The following MAP3K5 variants were observed in gnomAD, a reference collection of about 807,000 sequenced individuals.
The protein encoded by MAP3K5 is mitogen-activated protein kinase kinase kinase 5.
A neutral mutation model predicts 158.7 loss-of-function variants in MAP3K5; 56 were observed. The ratio of observed to expected loss-of-function variants is 0.35; its 90% CI spans 0.28 to 0.44. The LOEUF is 0.44. Ranked by LOEUF, MAP3K5 falls within the 20% of genes least tolerant of loss-of-function variation. The pLI is 1.00. For missense variants in MAP3K5, 1,294 were observed against 1,674.8 expected, an observed-to-expected ratio of 0.77 and a Z score of 3.97; for synonymous variants, 579 against 601.7, an observed-to-expected ratio of 0.96 and a Z score of 0.55.
At chr6:136,628,131 A>G (rs556597215) in intron 14 of MAP3K5, among the ~76,000 whole-genome samples, 1 of 148,856 alleles carries the variant, frequency 6.7e-6, no homozygotes, top group Non-Finnish European at 1.5e-5. Flanking sequence ...TTTTTTTTTT[A>G]AAGAGTGTTT....
intron 24 of MAP3K5, among the ~76,000 whole-genome samples, chr6:136,583,295 G>C (rs1053353287): frequency 1.3e-5 from 2 of 152,148 alleles, no homozygotes; most frequent in African/African-American, 2.4e-5. Context: ...TCATAAGAAC[G>C]AAGTTCAGCC....
At chr6:136,663,077 C>T (rs1750152742) in intron 8 of MAP3K5, among the ~76,000 whole-genome samples, 1 of 152,186 alleles carries the variant, frequency 6.6e-6, no homozygotes, top group East Asian at 1.9e-4. Context: ...ATGCCTAGCA[C>T]TGTGTGTACT....
chr6:136,775,120 TA>T (rs374651330), intron 1 of MAP3K5, among the ~76,000 whole-genome samples: 6,997 of 151,580 alleles, frequency 0.046, 202 homozygotes, highest in African/African-American at 0.088. Context: ...AAATATGAAT[TA>T]AAAAAAAATT....
chr6:136,635,766 G>A (rs1777602213), intron 14 of MAP3K5, among the ~76,000 whole-genome samples: 2 of 151,210 alleles, frequency 1.3e-5, no homozygotes, highest in South Asian at 4.2e-4. Flanking sequence ...GCCAGGTGTG[G>A]TGGCATGCTC....
At position 136,561,334 on chromosome 6, in the gene MAP3K5, G is replaced by T. The variant is rs1318165219; in HGVS notation, c.3987+199C>A. ...AACACCTGATACCTTTTTCTTCATA[G>T]AATTTACCAGTGTAGAATCACATTT... On this transcript the variant is annotated intron_variant, in intron 28 of 29. Coordinates refer to ENST00000359015, the MANE Select transcript of MAP3K5 (RefSeq NM_005923.4). Among the ~76,000 whole-genome samples, 3 of 152,068 alleles carry T rather than the reference G, an allele frequency of 2.0e-5. No homozygotes were observed. In the East Asian group the frequency reaches 5.8e-4, roughly 29 times the overall value.
rs1781702407 is a variant in MAP3K5 at position 136,720,468 on chromosome 6, G to A, written c.570C>T (p.Asp190=). The part of the protein sequence containing the change: ...NIILYCDTNS[D]SLQSLKEIIC... ...GAGGTACCTTCAGTGACTGCAGAGA[G>A]TCCGAGTTAGTATCACAGTAGAGGA... The change falls in exon 2 of 30, where the codon GAC becomes GAT. Residue 190 remains aspartate (D), a synonymous_variant. Transcript: ENST00000359015. 6.2e-7 allele frequency: 1 copy of A among 1,610,006 alleles called. No individual in the cohort carries two copies. The highest frequency in any genetic ancestry group is 8.5e-7 in the Non-Finnish European group (1 of 1,178,056).
intron 23 of MAP3K5, among the ~76,000 whole-genome samples, chr6:136,587,442 G>C (rs1486229803): frequency 2.0e-5 from 3 of 152,176 alleles, no homozygotes; most frequent in Admixed American, 6.5e-5. Context: ...AGCTTATAAA[G>C]TAGACTCCTC....
intron 25 of MAP3K5, among the ~76,000 whole-genome samples, chr6:136,568,367 T>G (rs959305470): frequency 6.6e-6 from 1 of 152,150 alleles, no homozygotes; most frequent in Admixed American, 6.5e-5. Context: ...ACATCCAAAA[T>G]GTAAGGGGAT....
At chr6:136,623,633 G>T (rs573613524) in intron 14 of MAP3K5, among the ~76,000 whole-genome samples, 1 of 152,200 alleles carries the variant, frequency 6.6e-6, no homozygotes, top group East Asian at 1.9e-4. Flanking sequence ...TGGAAAACCG[G>T]ATCTACAGAA....
At chr6:136,711,741 AAC>A (rs796830619) in intron 2 of MAP3K5, among the ~76,000 whole-genome samples, 32 of 152,256 alleles carry the variant, frequency 2.1e-4, no homozygotes, top group African/African-American at 7.5e-4. Flanking sequence ...AATAATATCT[AAC>A]TTGTCTGTCT....
At chr6:136,593,853 CCTT>C in intron 21 of MAP3K5, 1 of 337,364 alleles carries the variant, frequency 3.0e-6, no homozygotes, top group African/African-American at 2.2e-5. Context: ...CCTGGAATCT[CCTT>C]CTTACTTAAT....
chr6:136,593,647 A>G, intron 21 of MAP3K5: 1 of 398,928 alleles, frequency 2.5e-6, no homozygotes, highest in South Asian at 1.9e-5. Context: ...CCTCACTCCT[A>G]ATGAGAGAAA....
At chr6:136,628,941 TA>T (rs1562560530) in intron 14 of MAP3K5, among the ~76,000 whole-genome samples, 2 of 152,342 alleles carry the variant, frequency 1.3e-5, no homozygotes, top group East Asian at 3.9e-4. Context: ...TGTCCAGGAA[TA>T]GTAGAAGAGA....
chr6:136,791,181 G>C (rs1785058910), intron 1 of MAP3K5, among the ~76,000 whole-genome samples: 1 of 152,148 alleles, frequency 6.6e-6, no homozygotes, highest in Admixed American at 6.5e-5. Context: ...GGAAATTCAA[G>C]CTACTAAAAC....
At chr6:136,599,085 C>T (rs1002578235) in intron 21 of MAP3K5, among the ~76,000 whole-genome samples, 3 of 148,506 alleles carry the variant, frequency 2.0e-5, no homozygotes, top group East Asian at 4.1e-4. Flanking sequence ...GTGGGAGGAT[C>T]GCTTGAGCCT....
At chr6:136,629,941 G>A (rs911556397) in intron 14 of MAP3K5, among the ~76,000 whole-genome samples, 2 of 151,702 alleles carry the variant, frequency 1.3e-5, no homozygotes, top group African/African-American at 4.9e-5. Context: ...CAGTAGAGAT[G>A]GGGTTTCGCC....
intron 1 of MAP3K5, among the ~76,000 whole-genome samples, chr6:136,736,481 A>C (rs1157197903): frequency 5.9e-5 from 9 of 152,188 alleles, no homozygotes; most frequent in Non-Finnish European, 2.9e-5. Context: ...TAAGTCCAAC[A>C]ATCCATTTAA....
chr6:136,602,173 T>C (rs954127915), intron 19 of MAP3K5, among the ~76,000 whole-genome samples, 194 bp from the exon 20 acceptor site: 1 of 152,178 alleles, frequency 6.6e-6, no homozygotes, highest in Non-Finnish European at 1.5e-5. Flanking sequence ...CCTTGGTACC[T>C]TTACCAATGG....
intron 1 of MAP3K5, among the ~76,000 whole-genome samples, chr6:136,766,285 C>G (rs1213929991): frequency 1.3e-5 from 2 of 152,216 alleles, no homozygotes; most frequent in Non-Finnish European, 2.9e-5. Context: ...CAAGGCCAAG[C>G]AATAACTCCG....
Sources: allele counts gnomAD v4.1 joint callset (sites outside exome capture counted in the v4.1 genomes callset), GRCh38; gene constraint gnomAD v4.1.1; transcripts MANE v1.5; gene names NCBI Gene and HGNC (gene_info 2026-07-23, HGNC 2026-07-21).